MAGI1: variants seen among roughly 807,000 people sequenced by gnomAD.
The protein encoded by MAGI1 is membrane associated guanylate kinase, WW and PDZ domain containing 1.
A neutral mutation model predicts 139.9 loss-of-function variants in MAGI1; 58 were observed. The ratio of observed to expected loss-of-function variants is 0.41; its 90% CI spans 0.34 to 0.52. The LOEUF (loss-of-function observed/expected upper bound fraction) is 0.52. Among genes scored for constraint, MAGI1 ranks in the 20% least tolerant of loss-of-function variants. MAGI1 has a pLI of 0.12. For synonymous variants in MAGI1, 812 were observed against 737.9 expected (o/e 1.10, Z -1.63); for missense variants, 1,874 against 1,901.6 (o/e 0.99, Z 0.27).
intron 1 of MAGI1, among the ~76,000 whole-genome samples, chr3:65,985,678 C>T (rs1161089489): frequency 6.6e-6 from 1 of 152,090 alleles, no homozygotes; most frequent in African/African-American, 2.4e-5. Context: ...TACTAACTAC[C>T]TGTTTGGAGG....
chr3:65,738,104 A>G (rs1284608125), intron 1 of MAGI1, among the ~76,000 whole-genome samples: 1 of 152,210 alleles, frequency 6.6e-6, no homozygotes, highest in East Asian at 1.9e-4. Flanking sequence ...GTTTGCACTG[A>G]CAGTGGCACT....
chr3:65,885,334 T>C (rs999047472), intron 1 of MAGI1, among the ~76,000 whole-genome samples: 3 of 152,032 alleles, frequency 2.0e-5, no homozygotes, highest in African/African-American at 7.2e-5. Flanking sequence ...GAGGCAGAAG[T>C]TGCAGTGAGC....
intron 6 of MAGI1, among the ~76,000 whole-genome samples, chr3:65,448,697 TAC>T (rs10591133): frequency 0.31 from 46,313 of 149,590 alleles, 7,390 homozygotes; most frequent in African/African-American, 0.39. Context: ...AGAAAACACA[TAC>T]ACACACACAC....
chr3:65,684,844 G>A (rs1426806636), intron 1 of MAGI1, among the ~76,000 whole-genome samples: 2 of 149,668 alleles, frequency 1.3e-5, no homozygotes, highest in African/African-American at 2.5e-5. Context: ...TGAGACCACA[G>A]GTGCAAGCCA....
At chr3:65,391,835 C>T (rs532074559) in intron 13 of MAGI1, among the ~76,000 whole-genome samples, 7 of 152,240 alleles carry the variant, frequency 4.6e-5, no homozygotes, top group African/African-American at 1.7e-4. Flanking sequence ...CAATTCCTCT[C>T]TAAGAGTTTG....
chr3:65,504,627 T>A (rs1317008266), intron 2 of MAGI1, among the ~76,000 whole-genome samples: 1 of 152,158 alleles, frequency 6.6e-6, no homozygotes, highest in Non-Finnish European at 1.5e-5. Flanking sequence ...CAGGGTTGAA[T>A]AAATCAACAC....
chr3:65,492,175 C>T (rs142066438), intron 3 of MAGI1, among the ~76,000 whole-genome samples: 282 of 152,338 alleles, frequency 1.9e-3, no homozygotes, highest in Non-Finnish European at 3.7e-3. Flanking sequence ...CACATAATAA[C>T]TTGACCAAGT....
intron 1 of MAGI1, among the ~76,000 whole-genome samples, chr3:65,830,569 C>T (rs2042468273): frequency 6.6e-6 from 1 of 152,162 alleles, no homozygotes. Flanking sequence ...ATTTCCATAG[C>T]CAGATTCTGT....
intron 4 of MAGI1, among the ~76,000 whole-genome samples, chr3:65,475,651 G>A (rs1048806005): frequency 1.3e-5 from 2 of 152,056 alleles, no homozygotes; most frequent in Non-Finnish European, 2.9e-5. Flanking sequence ...GCTCTTTTTA[G>A]GTCAATAATT....
chr3:65,477,471 C>CTTA (rs1950957728), intron 4 of MAGI1, among the ~76,000 whole-genome samples: 1 of 152,064 alleles, frequency 6.6e-6, no homozygotes, highest in Admixed American at 6.6e-5. Context: ...AAACGGATAA[C>CTTA]TTATTCATGG....
chr3:65,705,303 T>C (rs2030005456), intron 1 of MAGI1, among the ~76,000 whole-genome samples: 1 of 151,822 alleles, frequency 6.6e-6, no homozygotes, highest in African/African-American at 2.4e-5. Context: ...TAACATTCAG[T>C]GGCACACCAA....
intron 18 of MAGI1, among the ~76,000 whole-genome samples, chr3:65,369,801 G>A (rs905890175): frequency 1.4e-4 from 21 of 150,794 alleles, no homozygotes; most frequent in African/African-American, 5.1e-4. Context: ...GAGCTACCAT[G>A]CCCGGCCCCA....
chr3:65,561,983 A>T (rs1405265869), intron 2 of MAGI1, among the ~76,000 whole-genome samples: 1 of 152,248 alleles, frequency 6.6e-6, no homozygotes, highest in Non-Finnish European at 1.5e-5. Flanking sequence ...CATATTCACT[A>T]CATGTATTTA....
intron 1 of MAGI1, among the ~76,000 whole-genome samples, chr3:65,658,108 T>C (rs943718218): frequency 2.0e-5 from 3 of 152,224 alleles, no homozygotes; most frequent in Admixed American, 2.0e-4. Context: ...TCACGAACTT[T>C]ATCATGTGTT....
intron 15 of MAGI1, among the ~76,000 whole-genome samples, chr3:65,383,039 T>G (rs781040064): frequency 1.3e-5 from 2 of 152,154 alleles, no homozygotes; most frequent in African/African-American, 2.4e-5. Context: ...CCAGGGAAGT[T>G]CAATGTTTCT....
intron 2 of MAGI1, among the ~76,000 whole-genome samples, chr3:65,560,302 G>A (rs781455366): frequency 2.0e-5 from 3 of 152,130 alleles, no homozygotes; most frequent in Non-Finnish European, 4.4e-5. Context: ...AAAAATGTAC[G>A]CCTCTTAACT....
chr3:65,507,768 G>C (rs2077359731), intron 2 of MAGI1, among the ~76,000 whole-genome samples: 1 of 152,074 alleles, frequency 6.6e-6, no homozygotes. Context: ...CACATTATGT[G>C]GTACTTCTCT....
intron 1 of MAGI1, among the ~76,000 whole-genome samples, chr3:65,806,521 G>A (rs1284966985): frequency 6.6e-6 from 1 of 152,026 alleles, no homozygotes; most frequent in Non-Finnish European, 1.5e-5. Flanking sequence ...CCTCACTTCC[G>A]TTTTCTGTAC....
chr3:65,433,423 T>C (rs146530710), intron 10 of MAGI1, among the ~76,000 whole-genome samples: 3 of 152,284 alleles, frequency 2.0e-5, no homozygotes, highest in East Asian at 3.9e-4. Flanking sequence ...CCTTTTCCAA[T>C]GTTTAACAAG....
Sources: gnomAD v4.1 joint callset for allele counts (sites outside exome capture counted in the v4.1 genomes callset) on GRCh38, gnomAD v4.1.1 for gene constraint, MANE v1.5 for transcripts, NCBI Gene and HGNC (gene_info 2026-07-23, HGNC 2026-07-21) for gene names.